The following KCNH1 variants were observed in gnomAD, a reference collection of about 807,000 sequenced individuals.
KCNH1 encodes the protein voltage-gated delayed rectifier potassium channel KCNH1.
In KCNH1, 27 loss-of-function variants were observed where a neutral mutation model predicts 69.2. The ratio of observed to expected loss-of-function variants is 0.39; its 90% CI spans 0.29 to 0.54. The LOEUF (loss-of-function observed/expected upper bound fraction) is 0.54. KCNH1 is among the 20% of genes least tolerant of loss of function. The pLI is 0.68. For synonymous variants in KCNH1, 456 were observed against 487.7 expected, an observed-to-expected ratio of 0.93 and a Z score of 0.86; for missense variants, 798 against 1,261.6, an observed-to-expected ratio of 0.63 and a Z score of 5.57.
At chr1:210,837,492 T>G (rs1297603648) in intron 7 of KCNH1, among the ~76,000 whole-genome samples, 1 of 152,192 alleles carries the variant, frequency 6.6e-6, no homozygotes, top group Non-Finnish European at 1.5e-5. Context: ...AATAGCGACC[T>G]GAAGATCCAT....
intron 6 of KCNH1, among the ~76,000 whole-genome samples, chr1:210,981,817 G>A (rs1015235727): frequency 2.0e-5 from 3 of 152,032 alleles, no homozygotes; most frequent in Non-Finnish European, 2.9e-5. Context: ...TAGAGGTGAA[G>A]GCTATTTAGA....
Position 210,719,617 on chromosome 1 carries a change from A to G in KCNH1, c.2113-35479T>C, listed in dbSNP as rs61634299. ...GCATGCAGGGCTTAAAACCTAGAAG[A>G]CAGGTTGATAGGTGCAGTAAACCAC... On this transcript the variant is annotated intron_variant, in intron 10 of 10. Coordinates refer to ENST00000271751, the MANE Select transcript of KCNH1 (RefSeq NM_172362.3). 6.1e-3 allele frequency among the ~76,000 whole-genome samples: 923 copies of G among 152,214 alleles called. 9 individuals are homozygous for G. The highest frequency in any genetic ancestry group is 0.021 in the African/African-American group (873 of 41,534).
chr1:210,795,626 T>C (rs922665987), intron 9 of KCNH1, among the ~76,000 whole-genome samples: 2 of 152,186 alleles, frequency 1.3e-5, no homozygotes, highest in Non-Finnish European at 2.9e-5. Context: ...GGAATAAAGT[T>C]GGGGCTTTTC....
chr1:210,996,552 T>C (rs926978667), intron 6 of KCNH1, among the ~76,000 whole-genome samples: 1 of 152,234 alleles, frequency 6.6e-6, no homozygotes, highest in African/African-American at 2.4e-5. Flanking sequence ...GCTCCACCTC[T>C]AGGGGCAGGG....
intron 10 of KCNH1, among the ~76,000 whole-genome samples, chr1:210,699,357 C>T (rs1241406866): frequency 1.3e-5 from 2 of 152,174 alleles, no homozygotes; most frequent in Admixed American, 6.5e-5. Flanking sequence ...CAAACCTGGG[C>T]ACAGCATGGA....
chr1:210,827,812 C>T (rs182866360), intron 7 of KCNH1, among the ~76,000 whole-genome samples: 1 of 152,164 alleles, frequency 6.6e-6, no homozygotes, highest in East Asian at 1.9e-4. Context: ...GCAAAATTGC[C>T]CTTCTGTGCC....
At chr1:210,767,161 G>T (rs1486443572) in intron 10 of KCNH1, among the ~76,000 whole-genome samples, 1 of 152,226 alleles carries the variant, frequency 6.6e-6, no homozygotes, top group East Asian at 1.9e-4. Flanking sequence ...GAAAGAATGA[G>T]AAAGTAACTT....
chr1:210,715,533 G>T (rs907316787), intron 10 of KCNH1, among the ~76,000 whole-genome samples: 1 of 147,408 alleles, frequency 6.8e-6, no homozygotes, highest in Non-Finnish European at 1.5e-5. Flanking sequence ...AAAAAAAAAC[G>T]TAATGGGATT....
intron 7 of KCNH1, among the ~76,000 whole-genome samples, chr1:210,913,006 A>G (rs2102551861): frequency 6.6e-6 from 1 of 152,364 alleles, no homozygotes; most frequent in East Asian, 1.9e-4. Flanking sequence ...AGGGTCCATC[A>G]GCCTAAGGGC....
Position 210,825,320 on chromosome 1 carries a change from C to T in KCNH1, c.1463-21154G>A, listed in dbSNP as rs960998285. Reference sequence around the variant, plus strand: ...CTGGTCTATAGTTCTCATTTTGTCCCACAGAATATTAAGCTATATTCAGGG... The same window carrying T: ...CTGGTCTATAGTTCTCATTTTGTCCTACAGAATATTAAGCTATATTCAGGG... On this transcript the variant is annotated intron_variant, in intron 7 of 10. Coordinates refer to ENST00000271751, the MANE Select transcript of KCNH1 (RefSeq NM_172362.3). 1.4e-4 allele frequency among the ~76,000 whole-genome samples: 22 copies of T among 152,194 alleles called. 1 individual carries two copies. Among genetic ancestry groups the T allele is most frequent in the East Asian group, 1.2e-3 (6 of 5,184 alleles).
chr1:211,004,587 G>GGAGAAAAA (rs1023031931), intron 6 of KCNH1, among the ~76,000 whole-genome samples: 1 of 151,186 alleles, frequency 6.6e-6, no homozygotes, highest in Non-Finnish European at 1.5e-5. Context: ...AAAGAGGAGA[G>GGAGAAAAA]GAGAAAAAGA....
intron 7 of KCNH1, among the ~76,000 whole-genome samples, chr1:210,835,727 A>T (rs1685266600): frequency 6.6e-6 from 1 of 152,192 alleles, no homozygotes; most frequent in Non-Finnish European, 1.5e-5. Context: ...TAATTGGTTC[A>T]TTATTCCTAA....
intron 10 of KCNH1, among the ~76,000 whole-genome samples, chr1:210,772,565 A>G (rs975481944): frequency 1.3e-5 from 2 of 151,984 alleles, no homozygotes; most frequent in African/African-American, 4.8e-5. Context: ...GGCTTTCACT[A>G]AACTTCCTCT....
At chr1:210,874,767 A>G (rs1686330917) in intron 7 of KCNH1, among the ~76,000 whole-genome samples, 2 of 152,218 alleles carry the variant, frequency 1.3e-5, no homozygotes, top group South Asian at 4.1e-4. Context: ...CAAAGATCAT[A>G]GTGTTTAATG....
At chr1:211,002,108 G>A (rs1201799769) in intron 6 of KCNH1, among the ~76,000 whole-genome samples, 4 of 151,734 alleles carry the variant, frequency 2.6e-5, no homozygotes, top group African/African-American at 4.8e-5. Flanking sequence ...ACATGTACAC[G>A]TATGTAACAA....
At chr1:210,806,809 A>T (rs1410706337) in intron 7 of KCNH1, among the ~76,000 whole-genome samples, 2,121 of 5,844 alleles carry the variant, frequency 0.36, 316 homozygotes, top group East Asian at 0.56. Flanking sequence ...ATCTCTACCA[A>T]AAAAAAAAAA....
At chr1:211,121,028 G>A (rs1391892570) in intron 1 of KCNH1, among the ~76,000 whole-genome samples, 2 of 152,072 alleles carry the variant, frequency 1.3e-5, no homozygotes, top group East Asian at 3.9e-4. Context: ...GGAAATAAGA[G>A]AGGACACAAA....
chr1:211,004,860 T>G (rs1689248490), intron 6 of KCNH1, among the ~76,000 whole-genome samples: 1 of 152,028 alleles, frequency 6.6e-6, no homozygotes, highest in Admixed American at 6.6e-5. Flanking sequence ...TCACACAAAG[T>G]AGACTTTAAA....
chr1:211,057,985 A>T (rs754357013), intron 5 of KCNH1, among the ~76,000 whole-genome samples: 2 of 152,280 alleles, frequency 1.3e-5, no homozygotes, highest in Non-Finnish European at 2.9e-5. Flanking sequence ...GAAACAACAC[A>T]CAAAAGAGCT....
Sources: allele counts gnomAD v4.1 joint callset (sites outside exome capture counted in the v4.1 genomes callset), GRCh38; gene constraint gnomAD v4.1.1; transcripts MANE v1.5; gene names NCBI Gene and HGNC (gene_info 2026-07-23, HGNC 2026-07-21).